Variants in FBXO41 observed in about 807,000 individuals in gnomAD.
FBXO41 encodes F-box only protein 41.
A neutral mutation model predicts 81.6 loss-of-function variants in FBXO41; 33 were observed. The observed-to-expected ratio is 0.40, with a 90% CI of 0.31 to 0.54. The LOEUF is 0.54. FBXO41 is among the 20% of genes least tolerant of loss of function. The pLI, the probability that FBXO41 is intolerant of heterozygous loss-of-function variation, is 0.39. For missense variants in FBXO41, 1,107 were observed against 1,236.0 expected (o/e 0.90, Z 1.56); for synonymous variants, 576 against 552.7 (o/e 1.04, Z -0.59).
At chr2:73,270,337 T>G (rs1436593132) in intron 1 of FBXO41, among the ~76,000 whole-genome samples, 1 of 152,190 alleles carries the variant, frequency 6.6e-6, no homozygotes, top group Non-Finnish European at 1.5e-5. Context: ...GAGTGGTGGT[T>G]ATACAGTTGT....
At chr2:73,270,727 T>C (rs760611493) in intron 1 of FBXO41, 3 of 510,386 alleles carry the variant, frequency 5.9e-6, no homozygotes, top group Non-Finnish European at 1.2e-5. Context: ...AATTCTGGCA[T>C]CCCAACCCTC....
Position 73,258,582 on chromosome 2 carries a change from C to T in FBXO41, c.*400G>A. ...TTGTGGAGCCCCCATTGGCTTGGGG[C>T]CCCAGATGCTCCTGACCAGGAGGCT... On this transcript the variant is annotated 3_prime_UTR_variant, in exon 13 of 13. Transcript: ENST00000520530. The T allele has an allele frequency of 5.2e-6, 1 of 192,096 alleles. No individual in the cohort carries two copies. The allele number at this position is 192,096 out of a possible 1,614,324, so 11.9% of individuals were successfully genotyped here.
rs753891746 is a variant in FBXO41, at chr2:73,264,463, G to C, written c.1621C>G (p.Arg541Gly). ...TCTGGGCTGATGACCTCATTGGAGC[G>C]TGAGGGGCTGACCCTCTCTGCTCGC... Reference protein sequence around the residue: ...GRRAERVSPSRSNEVISPEIL... With the variant: ...GRRAERVSPSGSNEVISPEIL... The change falls in exon 6 of 13, where the codon CGC (arginine) becomes GGC (glycine). Residue 541 changes from arginine to glycine, a missense_variant. By Grantham distance (125) the Arg-to-Gly change is moderately radical. This residue lies in a region of FBXO41 where 771 missense variants were observed against 789.2 expected (regional missense o/e 0.98). Coordinates refer to ENST00000520530, the MANE Select transcript of FBXO41 (RefSeq NM_001371389.2). 6.2e-7 allele frequency: 1 copy of C among 1,613,938 alleles called. No homozygotes were observed. Among genetic ancestry groups the C allele is most frequent in the Non-Finnish European group, 8.5e-7 (1 of 1,179,898 alleles).
Position 73,265,614 on chromosome 2 carries a change from G to T in FBXO41, c.1232C>A (p.Ser411Tyr). Residue 411 changes from serine to tyrosine, a missense_variant, in exon 5 of 13, where the codon TCC becomes TAC. Ser to Tyr is a moderately radical substitution (Grantham distance 144). Coordinates refer to ENST00000520530, the MANE Select transcript of FBXO41 (RefSeq NM_001371389.2). ...TGASSRVPAA[S>Y]QSSGCYDSDS... is the part of the protein sequence containing the mutation. ...ACTGTCATAGCAGCCTGAGCTCTGG[G>T]ATGCGGCTGGCACACGGCTGGAGGC... 6.6e-7 allele frequency: 1 copy of T among 1,521,932 alleles called. No individual in the cohort carries two copies. Among genetic ancestry groups the T allele is most frequent in the African/African-American group, 1.4e-5 (1 of 72,228 alleles). 94.3% of individuals were successfully genotyped at this position (1,521,932 alleles called of 1,614,324 possible).
chr2:73,264,787 C>T (rs566215541), intron 5 of FBXO41, among the ~76,000 whole-genome samples: 2 of 152,206 alleles, frequency 1.3e-5, no homozygotes, highest in Admixed American at 1.3e-4. Context: ...AGAGGCAACA[C>T]ATCAGATTTG....
intron 5 of FBXO41, 119 bp from the exon 6 acceptor site, chr2:73,264,638 G>A: frequency 7.0e-7 from 1 of 1,436,308 alleles, no homozygotes; most frequent in Non-Finnish European, 9.3e-7. Flanking sequence ...TGGTACCAGG[G>A]CCTAGGGAGG....
intron 1 of FBXO41, chr2:73,271,354 T>G (rs1368977201): frequency 5.4e-6 from 1 of 185,644 alleles, no homozygotes; most frequent in African/African-American, 2.4e-5. Context: ...GGCAAATCAG[T>G]CGTGGGGTAA....
chr2:73,259,722 CG>C lies in FBXO41; in HGVS notation c.2450-427del, dbSNP rs1014993792. On this transcript the variant is annotated intron_variant, in intron 11 of 12. Transcript: ENST00000520530. This position sits in a 1 kb window ranked among gnomAD's most constrained non-coding sequence, Gnocchi z 4.2. ...TCAGGGACTGGATATGTCGTGAAGT[CG>C]GGGGAGGTAGAGGAAGATCAGGCGA... Among the ~76,000 whole-genome samples, 4 of 151,732 alleles carry C rather than the reference CG, an allele frequency of 2.6e-5. No homozygotes were observed. Among genetic ancestry groups the C allele is most frequent in the Admixed American group, 2.6e-4 (4 of 15,242 alleles).
chr2:73,265,373 G>C lies in FBXO41; in HGVS notation c.1473C>G (p.Ser491=). Residue 491 remains serine (S), a synonymous_variant, in exon 5 of 13, where the codon TCC becomes TCG. Transcript: ENST00000520530. ...CCTCAGCCTCTGACTCAGTGGTTCG[G>C]GAGCCAACGTCGGAGACATCACCCT... ...GEEGDVSDVG[S]RTTESEAEGP... 6.2e-7 allele frequency: 1 copy of C among 1,611,848 alleles called. No individual in the cohort carries two copies. The highest frequency in any genetic ancestry group is 1.7e-4 in the Middle Eastern group (1 of 6,058).
chr2:73,263,938 C>T lies in FBXO41; in HGVS notation c.1922G>A (p.Arg641Gln), dbSNP rs762776792. 8.7e-6 allele frequency: 14 copies of T among 1,610,912 alleles called. No homozygotes were observed. Among genetic ancestry groups the T allele is most frequent in the Admixed American group, 5.1e-5 (3 of 59,400 alleles). ...ACCACCCACCCATCGCAGGCCTCAC[C>T]GGGTGCTCCGGGCATACTCCTCCTT... ...ESKEEYARST[R>Q]GCLEAGLESL... Residue 641 changes from arginine to glutamine, a missense_variant and splice_region_variant, in exon 7 of 13, where the codon CGG becomes CAG. Transcript: ENST00000520530.
At position 73,255,043 on chromosome 2, in the gene FBXO41, CAGTGGTGCCCACT is replaced by C. The variant is rs1194444615; in HGVS notation, c.*3926_*3938del. The C allele has an allele frequency of 6.5e-6, 1 of 152,792 alleles. No individual in the cohort carries two copies. The highest frequency in any genetic ancestry group is 1.5e-5 in the Non-Finnish European group (1 of 68,148). 9.5% of individuals were successfully genotyped at this position (152,792 alleles called of 1,614,324 possible). ...AGGGCCAGTTATGGAGGTTGCCCAC[CAGTGGTGCCCACT>C]AGAACCAAGCCTGCTGGCATCAGCC... is the stretch of plus-strand genomic sequence containing the variant. On this transcript the variant is annotated 3_prime_UTR_variant, in exon 13 of 13. Coordinates refer to ENST00000520530, the MANE Select transcript of FBXO41 (RefSeq NM_001371389.2).
At chr2:73,272,622 A>G (rs1224160144) in intron 1 of FBXO41, among the ~76,000 whole-genome samples, 1 of 152,182 alleles carries the variant, frequency 6.6e-6, no homozygotes, top group African/African-American at 2.4e-5. Flanking sequence ...CTCCCTCCCC[A>G]AAGTTGGAGT....
In FBXO41 at chr2:73,265,464, C is replaced by A. The variant is rs748839243; in HGVS notation, c.1382G>T (p.Gly461Val). 7.8e-5 allele frequency: 125 copies of A among 1,604,820 alleles called. No individual in the cohort carries two copies. In the South Asian group the frequency reaches 1.4e-3, roughly 17 times the overall value. ...SERSQPPRSSGLRRQAIQNWQ... is the reference protein window; with the variant it reads ...SERSQPPRSSVLRRQAIQNWQ... ...GTTCTGGATGGCCTGGCGCCGCAGG[C>A]CTGAGCTGCGAGGGGGCTGGGACCG... Residue 461 changes from glycine (G) to valine (V), a missense_variant, in exon 5 of 13, where the codon GGC becomes GTC. This residue lies in a region of FBXO41 where 771 missense variants were observed against 789.2 expected (regional missense o/e 0.98). Coordinates refer to ENST00000520530, the MANE Select transcript of FBXO41 (RefSeq NM_001371389.2).
chr2:73,265,789 C>T (rs1183427966), intron 4 of FBXO41, 104 bp downstream of exon 4: 5 of 1,462,336 alleles, frequency 3.4e-6, no homozygotes, highest in South Asian at 1.3e-5. Context: ...CATACGTGAC[C>T]CAGGGAGGGT....
Position 73,269,626 on chromosome 2 carries a change from G to C in FBXO41, c.5C>G (p.Ala2Gly). M[A>G]SLDLPYRCPR... The stretch of plus-strand genomic sequence containing the variant: ...GCAGCGGTACGGCAGGTCCAGCGAG[G>C]CCATGGCCCCGCCGCCCCCGCGGCA... The change falls in exon 2 of 13, where the codon GCC becomes GGC. Residue 2 changes from alanine to glycine, a missense_variant. Physicochemically the swap from Ala to Gly is moderately conservative, Grantham distance 60. Coordinates refer to ENST00000520530, the MANE Select transcript of FBXO41 (RefSeq NM_001371389.2). The surrounding 1 kb of genome is among the most constrained non-coding windows in gnomAD (Gnocchi z 7.0). 8.2e-7 allele frequency: 1 copy of C among 1,225,390 alleles called. No individual in the cohort carries two copies. The highest frequency in any genetic ancestry group is 1.0e-6 in the Non-Finnish European group (1 of 979,792). 75.9% of individuals were successfully genotyped at this position (1,225,390 alleles called of 1,614,324 possible). A position where few individuals can be genotyped will look rare whatever the true frequency, so the allele number is the denominator to read the frequency against.
intron 1 of FBXO41, among the ~76,000 whole-genome samples, chr2:73,270,304 G>A (rs567045088): frequency 2.0e-5 from 3 of 152,266 alleles, no homozygotes; most frequent in East Asian, 3.9e-4. Context: ...TATGTGATGC[G>A]GAGAATGTTC....
chr2:73,276,595 AGAGAGAGAGG>A (rs1441253370), intron 1 of FBXO41, among the ~76,000 whole-genome samples: 3 of 126,350 alleles, frequency 2.4e-5, no homozygotes, highest in Non-Finnish European at 4.8e-5. Flanking sequence ...AGAGAGAGAG[AGAGAGAGAGG>A]GAGAGAGGGA....
rs566389494 is a variant in FBXO41 at position 73,271,317 on chromosome 2, A to G, written c.-138-1549T>C. The G allele has an allele frequency of 3.6e-5, 9 of 248,174 alleles. No homozygotes were observed. The South Asian group carries it at 4.5e-4, about 12-fold the overall frequency. The allele number at this position is 248,174 out of a possible 1,614,324, so 15.4% of individuals were successfully genotyped here. On this transcript the variant is annotated intron_variant, in intron 1 of 12. Coordinates refer to ENST00000520530, the MANE Select transcript of FBXO41 (RefSeq NM_001371389.2). ...ATCCTTCCCCACTTTCTCAGTCCAC[A>G]TGGTCTTGGGGATATGACATAGACC...
intron 9 of FBXO41, among the ~76,000 whole-genome samples, chr2:73,261,500 A>G (rs968293760): frequency 2.6e-5 from 4 of 152,198 alleles, no homozygotes; most frequent in Admixed American, 6.5e-5. Context: ...GCAAGTGGTT[A>G]TCAAGTCAAC....
Sources: allele counts gnomAD v4.1 joint callset (sites outside exome capture counted in the v4.1 genomes callset), GRCh38; gene constraint gnomAD v4.1.1; regional missense constraint gnomAD v4.1.1; non-coding constraint Gnocchi (gnomAD v3.1); transcripts MANE v1.5; gene names NCBI Gene and HGNC (gene_info 2026-07-23, HGNC 2026-07-21).